Variants in ARFGEF3 observed in about 807,000 individuals in gnomAD.
The protein encoded by ARFGEF3 is ARFGEF family member 3.
Under a neutral mutation model 221.7 loss-of-function variants are expected in ARFGEF3, and 96 were observed. That is an observed-to-expected ratio of 0.43 (90% CI 0.37 to 0.51). The LOEUF (loss-of-function observed/expected upper bound fraction) is 0.51. ARFGEF3 is among the 20% of genes least tolerant of loss of function. ARFGEF3 has a pLI of 0.00. For missense variants in ARFGEF3, 2,410 were observed against 2,789.9 expected, an observed-to-expected ratio of 0.86 and a Z score of 3.07; for synonymous variants, 1,145 against 1,126.8, an observed-to-expected ratio of 1.02 and a Z score of -0.32.
At chr6:138,322,421 A>C (rs1780049143) in intron 29 of ARFGEF3, among the ~76,000 whole-genome samples, 3 of 152,206 alleles carry the variant, frequency 2.0e-5, no homozygotes, top group African/African-American at 7.2e-5. Context: ...TGGGAATTCA[A>C]GATGAGATTT....
At chr6:138,322,093 T>C (rs80019989) in intron 29 of ARFGEF3, among the ~76,000 whole-genome samples, 2,426 of 152,172 alleles carry the variant, frequency 0.016, 54 homozygotes, top group African/African-American at 0.055. Context: ...TTGGTGGAGA[T>C]AGCAGAGCAG....
intron 4 of ARFGEF3, among the ~76,000 whole-genome samples, chr6:138,212,414 T>C (rs1256218398): frequency 6.6e-6 from 1 of 152,196 alleles, no homozygotes; most frequent in African/African-American, 2.4e-5. Flanking sequence ...TTTTACACTG[T>C]TGGTGGGAGT....
chr6:138,178,379 C>G (rs915094725), intron 2 of ARFGEF3, among the ~76,000 whole-genome samples: 1 of 152,162 alleles, frequency 6.6e-6, no homozygotes, highest in Admixed American at 6.5e-5. Flanking sequence ...CTGGGCTGCT[C>G]TCTTCATCAA....
In ARFGEF3 at chr6:138,186,983, T is replaced by C. The variant is rs149525039; in HGVS notation, c.137+16270T>C. On this transcript the variant is annotated intron_variant, in intron 2 of 33. Transcript: ENST00000251691. The stretch of plus-strand genomic sequence containing the variant: ...CAGGCAGGAGTGCAATGGTGCGATC[T>C]TGGCTCACTGCAACCTCCACCTCCT... 5.2e-3 allele frequency among the ~76,000 whole-genome samples: 776 copies of C among 150,086 alleles called. 6 individuals carry two copies. Among genetic ancestry groups the C allele is most frequent in the Non-Finnish European group, 9.3e-3 (630 of 67,696 alleles).
At chr6:138,317,983 C>T (rs536391583) in intron 27 of ARFGEF3, among the ~76,000 whole-genome samples, 1 of 152,238 alleles carries the variant, frequency 6.6e-6, no homozygotes, top group East Asian at 1.9e-4. Flanking sequence ...TACATTTATA[C>T]ATGCCAATTT....
intron 24 of ARFGEF3, among the ~76,000 whole-genome samples, chr6:138,310,816 G>GA (rs2114665433): frequency 6.6e-6 from 1 of 152,328 alleles, no homozygotes; most frequent in East Asian, 1.9e-4. Context: ...ACAAAAAATA[G>GA]AAAAATCATT....
At chr6:138,265,150 G>A (rs567805559) in intron 12 of ARFGEF3, among the ~76,000 whole-genome samples, 45 of 152,158 alleles carry the variant, frequency 3.0e-4, no homozygotes, top group Non-Finnish European at 5.0e-4. Context: ...TGATCCGCCC[G>A]CCTTGGCCTC....
At chr6:138,281,683 T>C (rs1223425382) in intron 14 of ARFGEF3, among the ~76,000 whole-genome samples, 1 of 152,232 alleles carries the variant, frequency 6.6e-6, no homozygotes, top group Non-Finnish European at 1.5e-5. Context: ...CCGTGGTGTA[T>C]ATGGACCACA....
chr6:138,316,440 A>G (rs1779927368), intron 26 of ARFGEF3, among the ~76,000 whole-genome samples: 1 of 152,224 alleles, frequency 6.6e-6, no homozygotes, highest in South Asian at 2.1e-4. Context: ...ATATACATAT[A>G]CAGATATACA....
chr6:138,337,219 C>T lies in ARFGEF3; in HGVS notation c.*733C>T, dbSNP rs1780343238. 6.6e-6 allele frequency: 1 copy of T among 152,622 alleles called. No homozygotes were observed. The highest frequency in any genetic ancestry group is 2.4e-5 in the African/African-American group (1 of 41,436). The allele number at this position is 152,622 out of a possible 1,614,324, so 9.5% of individuals were successfully genotyped here. ...TTATCAGCCTGTGACACAGAGTACCCAGTGAAAGTGGCTGGTACGTAGATT... is the reference window on the plus strand; with the variant it reads ...TTATCAGCCTGTGACACAGAGTACCTAGTGAAAGTGGCTGGTACGTAGATT... On this transcript the variant is annotated 3_prime_UTR_variant, in exon 34 of 34. Transcript: ENST00000251691.
In ARFGEF3 at chr6:138,291,919, C is replaced by T. The variant is rs1041965299; in HGVS notation, c.3234C>T (p.Val1078=). 3 of 1,490,348 alleles carry T rather than the reference C, an allele frequency of 2.0e-6. No individual in the cohort carries two copies. Among genetic ancestry groups the T allele is most frequent in the East Asian group, 2.6e-5 (1 of 37,898 alleles). The allele number at this position is 1,490,348 out of a possible 1,614,324, so 92.3% of individuals were successfully genotyped here. Residue 1078 remains valine, a synonymous_variant, in exon 19 of 34, where the codon GTC becomes GTT. Coordinates refer to ENST00000251691, the MANE Select transcript of ARFGEF3 (RefSeq NM_020340.5). The surrounding 1 kb of genome is among the most constrained non-coding windows in gnomAD (Gnocchi z 4.5). ...GGCGCTCCCTGAGCACGGCCCCTGTCGTCCAGCCCCTGTCCATCCAGGACC... is the reference window on the plus strand; with the variant it reads ...GGCGCTCCCTGAGCACGGCCCCTGTTGTCCAGCCCCTGTCCATCCAGGACC... The part of the protein sequence containing the change: ...EQGRSLSTAP[V]VQPLSIQDLV...
At chr6:138,198,990 A>T (rs911934209) in intron 2 of ARFGEF3, among the ~76,000 whole-genome samples, 5 of 152,230 alleles carry the variant, frequency 3.3e-5, no homozygotes, top group African/African-American at 1.2e-4. Flanking sequence ...CTGTAATCCC[A>T]GCACTTTGGA....
rs35236693 is a variant in ARFGEF3, at chr6:138,174,469, T to TAAAAAAA, written c.137+3788_137+3794dup. On this transcript the variant is annotated intron_variant, in intron 2 of 33. Transcript: ENST00000251691. ...GGCATCCTTCTATTTGAGCATCTGC[T>TAAAAAAA]AAAAAAAAAAAAAAAAAAAAAAAAA... 3.4e-3 allele frequency among the ~76,000 whole-genome samples: 87 copies of TAAAAAAA among 25,302 alleles called. 18 individuals carry two copies. Among genetic ancestry groups the TAAAAAAA allele is most frequent in the East Asian group, 1.0e-2 (6 of 602 alleles). 16.6% of individuals were successfully genotyped at this position (25,302 alleles called of 152,430 possible). A position where few individuals can be genotyped will look rare whatever the true frequency, so the allele number is the denominator to read the frequency against.
chr6:138,331,432 C>T (rs1231955088), intron 32 of ARFGEF3, among the ~76,000 whole-genome samples: 1 of 152,152 alleles, frequency 6.6e-6, no homozygotes, highest in Non-Finnish European at 1.5e-5. Flanking sequence ...ATGAGTTAGA[C>T]CTGTGGAAAA....
chr6:138,309,742 C>T (rs1779792229), intron 24 of ARFGEF3, among the ~76,000 whole-genome samples: 1 of 152,164 alleles, frequency 6.6e-6, no homozygotes, highest in Non-Finnish European at 1.5e-5. Flanking sequence ...TAATCCAAAG[C>T]CAGAGGCTCG....
chr6:138,250,651 C>A (rs1778564156), intron 8 of ARFGEF3, among the ~76,000 whole-genome samples: 1 of 152,242 alleles, frequency 6.6e-6, no homozygotes, highest in African/African-American at 2.4e-5. Flanking sequence ...GCTGCCCTCC[C>A]AGTAGCCTTG....
chr6:138,325,956 A>C (rs1410049092), intron 31 of ARFGEF3, among the ~76,000 whole-genome samples: 1 of 152,142 alleles, frequency 6.6e-6, no homozygotes, highest in African/African-American at 2.4e-5. Context: ...CTCCAGGTTC[A>C]AGTGATTCTC....
intron 30 of ARFGEF3, 102 bp downstream of exon 30, chr6:138,323,875 GC>G: frequency 6.5e-7 from 1 of 1,531,994 alleles, no homozygotes; most frequent in Non-Finnish European, 9.0e-7. Context: ...CTCTGAGCAG[GC>G]AGTCTCACTT....
intron 5 of ARFGEF3, among the ~76,000 whole-genome samples, chr6:138,234,475 CGTGTGTGT>C (rs10642229): frequency 6.8e-6 from 1 of 148,090 alleles, no homozygotes; most frequent in Non-Finnish European, 1.5e-5. Context: ...CAGTTCACCC[CGTGTGTGT>C]GTGTGTGTGT....
Sources: allele counts gnomAD v4.1 joint callset (sites outside exome capture counted in the v4.1 genomes callset), GRCh38; gene constraint gnomAD v4.1.1; non-coding constraint Gnocchi (gnomAD v3.1); transcripts MANE v1.5; gene names NCBI Gene and HGNC (gene_info 2026-07-23, HGNC 2026-07-21).